Variants in STRN3 observed in about 807,000 individuals in gnomAD.
The protein encoded by STRN3 is striatin 3.
In STRN3, 29 loss-of-function variants were observed where a neutral mutation model predicts 95.6. The observed-to-expected ratio is 0.30, with a 90% CI of 0.23 to 0.41. The LOEUF (loss-of-function observed/expected upper bound fraction) is 0.41, where lower values mean the gene tolerates loss of function less well. STRN3 is among the 10% of genes least tolerant of loss of function. STRN3 has a pLI of 1.00. For missense variants in STRN3, 890 were observed against 972.1 expected (o/e 0.92, Z 1.12); for synonymous variants, 331 against 357.6 (o/e 0.93, Z 0.84).
intron 9 of STRN3, 31 bp from the exon 10 acceptor site, chr14:30,913,688 T>G (rs1449611008): frequency 6.2e-7 from 1 of 1,609,950 alleles, no homozygotes. Context: ...TCTTAAATGC[T>G]GAAAAATCAT....
At chr14:30,968,901 A>G (rs983664255) in intron 1 of STRN3, among the ~76,000 whole-genome samples, 1 of 152,200 alleles carries the variant, frequency 6.6e-6, no homozygotes, top group Non-Finnish European at 1.5e-5. Context: ...TAAAAAGACT[A>G]TAAGGAGGCA....
At chr14:30,966,804 C>T (rs1391759503) in intron 1 of STRN3, among the ~76,000 whole-genome samples, 1 of 152,098 alleles carries the variant, frequency 6.6e-6, no homozygotes, top group African/African-American at 2.4e-5. Flanking sequence ...CCTCATATGG[C>T]TTAGAGCAAA....
At chr14:30,952,708 C>A (rs10132308) in intron 3 of STRN3, among the ~76,000 whole-genome samples, 151,631 of 152,190 alleles carry the variant, frequency 1, 75,543 homozygotes, top group Middle Eastern at 1. Context: ...TCAAAAAAAA[C>A]CAAAAAAACA....
chr14:30,979,515 C>G (rs1013016868), intron 1 of STRN3, among the ~76,000 whole-genome samples: 7 of 152,068 alleles, frequency 4.6e-5, no homozygotes, highest in Non-Finnish European at 2.9e-5. Flanking sequence ...TTTAGGGTAA[C>G]AAATATTACT....
At chr14:30,916,959 T>C (rs1012124313) in intron 9 of STRN3, among the ~76,000 whole-genome samples, 3 of 152,184 alleles carry the variant, frequency 2.0e-5, no homozygotes, top group Non-Finnish European at 4.4e-5. Flanking sequence ...AGTGGCAACA[T>C]GGTAGGTCTC....
chr14:30,917,524 G>A (rs187929662), intron 9 of STRN3, among the ~76,000 whole-genome samples: 73 of 148,494 alleles, frequency 4.9e-4, no homozygotes, highest in African/African-American at 1.7e-3. Context: ...GACCAAAAAC[G>A]AAGCAAAATC....
intron 4 of STRN3, among the ~76,000 whole-genome samples, chr14:30,950,605 G>A (rs1278072394): frequency 1.3e-5 from 2 of 152,132 alleles, no homozygotes; most frequent in African/African-American, 4.8e-5. Context: ...TATCAAGTAT[G>A]AATTTTATAT....
chr14:30,901,617 C>G (rs1049724413), intron 16 of STRN3, among the ~76,000 whole-genome samples: 10 of 152,132 alleles, frequency 6.6e-5, no homozygotes, highest in Non-Finnish European at 1.3e-4. Flanking sequence ...CTCAAAGTAG[C>G]CTTCCTAGCT....
intron 1 of STRN3, among the ~76,000 whole-genome samples, chr14:31,010,994 G>T (rs1484628999): frequency 1.3e-5 from 2 of 152,176 alleles, no homozygotes; most frequent in African/African-American, 4.8e-5. Flanking sequence ...AGCCAAAATT[G>T]CGCCACTGCA....
At position 31,011,498 on chromosome 14, in the gene STRN3, C is replaced by T. The variant is rs116455444; in HGVS notation, c.282+14406G>A. Among the ~76,000 whole-genome samples, 686 of 152,188 alleles carry T rather than the reference C, an allele frequency of 4.5e-3. 3 individuals carry two copies. The highest frequency in any genetic ancestry group is 0.016 in the African/African-American group (664 of 41,518). ...CTCAACTAAAAATACAAAAAATTAACAGGGCGTGGTGGCACACGCCTGAAA... is the reference window on the plus strand; with the variant it reads ...CTCAACTAAAAATACAAAAAATTAATAGGGCGTGGTGGCACACGCCTGAAA... On this transcript the variant is annotated intron_variant, in intron 1 of 17. Transcript: ENST00000357479.
chr14:30,941,247 T>C (rs1879078891), intron 5 of STRN3, among the ~76,000 whole-genome samples: 1 of 152,208 alleles, frequency 6.6e-6, no homozygotes, highest in Non-Finnish European at 1.5e-5. Context: ...GGCTATCTCT[T>C]GTCAAGCTGC....
At chr14:31,018,020 G>A (rs7151175) in intron 1 of STRN3, among the ~76,000 whole-genome samples, 34,988 of 149,978 alleles carry the variant, frequency 0.23, 4,299 homozygotes, top group Non-Finnish European at 0.26. Flanking sequence ...GGAGGTTACA[G>A]TGAGCCGGGA....
At chr14:31,006,118 C>CAA (rs370320880) in intron 1 of STRN3, among the ~76,000 whole-genome samples, 86 of 75,080 alleles carry the variant, frequency 1.1e-3, no homozygotes, top group Middle Eastern at 7.8e-3. Context: ...GACTCTGTCT[C>CAA]AAAAAAAAAA....
chr14:30,933,645 C>T lies in STRN3; in HGVS notation c.988+1518G>A, dbSNP rs191188420. 5.7e-3 allele frequency among the ~76,000 whole-genome samples: 866 copies of T among 152,112 alleles called. 4 individuals carry two copies. The highest frequency in any genetic ancestry group is 0.02 in the African/African-American group (828 of 41,508). On this transcript the variant is annotated intron_variant, in intron 7 of 17. Transcript: ENST00000357479. ...TTTGAAGAAAGGTACCCTTCTAAAC[C>T]ACAATCATTTTCAAATAGTAAGTAC... is the stretch of plus-strand genomic sequence containing the variant.
intron 1 of STRN3, among the ~76,000 whole-genome samples, chr14:30,972,269 C>A (rs1330862157): frequency 6.6e-6 from 1 of 151,718 alleles, no homozygotes; most frequent in East Asian, 1.9e-4. Flanking sequence ...CTGCTACCTG[C>A]TCTGCCCTGA....
chr14:30,901,885 C>T lies in STRN3; in HGVS notation c.2137+651G>A, dbSNP rs530406930. On this transcript the variant is annotated intron_variant, in intron 16 of 17. Transcript: ENST00000357479. The stretch of plus-strand genomic sequence containing the variant: ...GACATAGTTGTAAGAACATATTGGA[C>T]GACCGGGCGCGGTGGCTCATGCCTG... Among the ~76,000 whole-genome samples, 6 of 151,722 alleles carry T rather than the reference C, an allele frequency of 4.0e-5. No individual in the cohort carries two copies. In the East Asian group the frequency reaches 7.7e-4, roughly 20 times the overall value.
At position 30,902,196 on chromosome 14, in the gene STRN3, AAAAAAAAAAAAAT is replaced by A. The variant is rs1200984984; in HGVS notation, c.2137+327_2137+339del. On this transcript the variant is annotated intron_variant, in intron 16 of 17. Transcript: ENST00000357479. Reference sequence around the variant, plus strand: ...CAAAAAAAAAAAAAAAAAAAAAAAAAAAAAAAAAAAAATGGAAATGCCAAACACCAGAAAGAGA... The same window carrying A: ...CAAAAAAAAAAAAAAAAAAAAAAAAAGGAAATGCCAAACACCAGAAAGAGA... Among the ~76,000 whole-genome samples the A allele has an allele frequency of 1.9e-4, 28 of 146,116 alleles. No homozygotes were observed. The East Asian group carries it at 5.5e-3, about 29-fold the overall frequency.
chr14:31,001,800 C>T lies in STRN3; in HGVS notation c.282+24104G>A, dbSNP rs924397015. On this transcript the variant is annotated intron_variant, in intron 1 of 17. Transcript: ENST00000357479. Reference sequence around the variant, plus strand: ...ATGGCCCTTGGGAGGCCAAGGCAGGCGGATCACCTGAGGTCAGGAGTTCCA... The same window carrying T: ...ATGGCCCTTGGGAGGCCAAGGCAGGTGGATCACCTGAGGTCAGGAGTTCCA... Among the ~76,000 whole-genome samples the T allele has an allele frequency of 1.1e-4, 16 of 151,924 alleles. No homozygotes were observed. In the South Asian group the frequency reaches 2.1e-3, roughly 20 times the overall value.
chr14:30,917,517 C>T (rs962791763), intron 9 of STRN3, among the ~76,000 whole-genome samples: 7 of 147,188 alleles, frequency 4.8e-5, no homozygotes, highest in Middle Eastern at 6.8e-3. Flanking sequence ...CAAAACAGAC[C>T]AAAAACGAAG....
Sources: allele counts gnomAD v4.1 joint callset (sites outside exome capture counted in the v4.1 genomes callset), GRCh38; gene constraint gnomAD v4.1.1; transcripts MANE v1.5; gene names NCBI Gene and HGNC (gene_info 2026-07-23, HGNC 2026-07-21).